Variants in SLC16A9 observed in about 807,000 individuals in gnomAD.
SLC16A9 encodes the protein monocarboxylate transporter 9.
A neutral mutation model predicts 44.3 loss-of-function variants in SLC16A9; 26 were observed. The ratio of observed to expected loss-of-function variants is 0.59; its 90% confidence interval spans 0.43 to 0.81. SLC16A9 has a LOEUF of 0.81. Among genes scored for constraint, SLC16A9 ranks in the 40% least tolerant of loss-of-function variants. The pLI, the probability that SLC16A9 is intolerant of heterozygous loss-of-function variation, is 0.00. For synonymous variants in SLC16A9, 230 were observed against 225.1 expected (o/e 1.02, Z -0.19); for missense variants, 559 against 595.8 (o/e 0.94, Z 0.64).
chr10:59,652,485 G>C lies in SLC16A9; in HGVS notation c.*287C>G, dbSNP rs955015849. Reference sequence around the variant, plus strand: ...TCTTTACACAGAGAAAGCCTTCTGAGGCTGGTCAAACTTTTTACAATGTTA... The same window carrying C: ...TCTTTACACAGAGAAAGCCTTCTGACGCTGGTCAAACTTTTTACAATGTTA... On this transcript the variant is annotated 3_prime_UTR_variant, in exon 6 of 6. Transcript: ENST00000395348. 1 of 235,886 alleles carries C rather than the reference G, an allele frequency of 4.2e-6. No individual in the cohort carries two copies. The highest frequency in any genetic ancestry group is 1.1e-4 in the South Asian group (1 of 8,724). 14.6% of individuals were successfully genotyped at this position (235,886 alleles called of 1,614,324 possible).
intron 1 of SLC16A9, among the ~76,000 whole-genome samples, chr10:59,697,092 T>C (rs1182991): frequency 4.3e-5 from 3 of 69,788 alleles, no homozygotes; most frequent in Non-Finnish European, 5.8e-5. Context: ...CCAGCCGCCC[T>C]GTCCGGGAGG....
intron 5 of SLC16A9, among the ~76,000 whole-genome samples, chr10:59,653,176 T>G (rs1839250664): frequency 6.6e-6 from 1 of 151,584 alleles, no homozygotes; most frequent in Non-Finnish European, 1.5e-5. Context: ...ACCCAGCACT[T>G]TGGGAGGCCG....
rs892657878 is a variant in SLC16A9 at position 59,653,867 on chromosome 10, A to C, written c.1159T>G (p.Cys387Gly). The part of the protein sequence containing the change: ...ATLIIMGLAL[C>G]AIPFAKSYVT... ...TAGCTTTTGGCAAATGGAATTGCAC[A>C]CAAGGCTAGGCCCATGATGATTAAG... is the stretch of plus-strand genomic sequence containing the variant. Residue 387 changes from cysteine (C) to glycine (G), a missense_variant, in exon 5 of 6, where the codon TGT becomes GGT. Cys to Gly is a radical substitution (Grantham distance 159). Coordinates refer to ENST00000395348, the MANE Select transcript of SLC16A9 (RefSeq NM_194298.3). The C allele has an allele frequency of 3.1e-6, 5 of 1,614,096 alleles. No homozygotes were observed. Among genetic ancestry groups the C allele is most frequent in the Admixed American group, 1.7e-5 (1 of 60,008 alleles).
At chr10:59,691,392 T>A (rs1421703136) in intron 1 of SLC16A9, among the ~76,000 whole-genome samples, 1 of 152,186 alleles carries the variant, frequency 6.6e-6, no homozygotes, top group East Asian at 1.9e-4. Flanking sequence ...GCAGTTTTTT[T>A]ATACTACAGG....
chr10:59,674,305 C>A (rs891735461), intron 2 of SLC16A9, among the ~76,000 whole-genome samples: 4 of 152,058 alleles, frequency 2.6e-5, no homozygotes, highest in Non-Finnish European at 4.4e-5. Context: ...TTCCCAATAC[C>A]AGAGAACTTC....
intron 1 of SLC16A9, among the ~76,000 whole-genome samples, chr10:59,689,392 T>A (rs74152116): frequency 6.6e-6 from 1 of 152,184 alleles, no homozygotes; most frequent in Non-Finnish European, 1.5e-5. Context: ...AGATCAGTCC[T>A]ATGGCTAGAG....
intron 1 of SLC16A9, among the ~76,000 whole-genome samples, chr10:59,687,402 A>T (rs1354436667): frequency 2.0e-5 from 3 of 152,226 alleles, no homozygotes; most frequent in Non-Finnish European, 4.4e-5. Flanking sequence ...GAGTGTTATT[A>T]TAAATAATTG....
At chr10:59,669,574 C>A (rs533373105) in intron 3 of SLC16A9, among the ~76,000 whole-genome samples, 1 of 152,158 alleles carries the variant, frequency 6.6e-6, no homozygotes. Context: ...CAGTGGCTCA[C>A]GCCTATAATC....
At chr10:59,697,962 T>TAAAAAA (rs34931109) in intron 1 of SLC16A9, among the ~76,000 whole-genome samples, 6 of 136,072 alleles carry the variant, frequency 4.4e-5, no homozygotes, top group African/African-American at 8.0e-5. Context: ...GGGCACACAG[T>TAAAAAA]AAAAAAAAAA....
At chr10:59,668,079 T>TA (rs1428248622) in intron 3 of SLC16A9, among the ~76,000 whole-genome samples, 13 of 152,074 alleles carry the variant, frequency 8.5e-5, no homozygotes, top group African/African-American at 2.9e-4. Flanking sequence ...TCATCTTTTT[T>TA]TTTTAATCTC....
chr10:59,663,630 G>A (rs1358291098), intron 4 of SLC16A9, among the ~76,000 whole-genome samples: 1 of 151,940 alleles, frequency 6.6e-6, no homozygotes, highest in African/African-American at 2.4e-5. Context: ...CTACGGGAGG[G>A]ATAGCATTAG....
At position 59,654,596 on chromosome 10, in the gene SLC16A9, A is replaced by G; in HGVS notation, c.437-7T>C. 1.3e-6 allele frequency: 2 copies of G among 1,563,588 alleles called. No homozygotes were observed. Among genetic ancestry groups the G allele is most frequent in the African/African-American group, 1.4e-5 (1 of 73,438 alleles). ...AAAAGGCCAACGCTTGAACCTAAAAAGGGAATGGGAACTGTTCAACCTCGT... is the reference window on the plus strand; with the variant it reads ...AAAAGGCCAACGCTTGAACCTAAAAGGGGAATGGGAACTGTTCAACCTCGT... On this transcript the variant is annotated splice_region_variant and splice_polypyrimidine_tract_variant and intron_variant, in intron 4 of 5. Coordinates refer to ENST00000395348, the MANE Select transcript of SLC16A9 (RefSeq NM_194298.3).
chr10:59,683,549 TGCTATGTCA>T (rs1194600556), intron 2 of SLC16A9, among the ~76,000 whole-genome samples: 1 of 152,230 alleles, frequency 6.6e-6, no homozygotes, highest in African/African-American at 2.4e-5. Context: ...TGAGACTCTT[TGCTATGTCA>T]GCTTTTTCTT....
At chr10:59,657,577 T>C (rs1839377434) in intron 4 of SLC16A9, among the ~76,000 whole-genome samples, 1 of 152,216 alleles carries the variant, frequency 6.6e-6, no homozygotes, top group African/African-American at 2.4e-5. Flanking sequence ...GCTTCATTTT[T>C]TATTTAGTGT....
chr10:59,660,670 T>G (rs998061490), intron 4 of SLC16A9, among the ~76,000 whole-genome samples: 1 of 152,220 alleles, frequency 6.6e-6, no homozygotes, highest in African/African-American at 2.4e-5. Context: ...AGCATCATCC[T>G]GATACCAAAA....
chr10:59,671,330 A>G (rs1173667783), intron 3 of SLC16A9, among the ~76,000 whole-genome samples: 1 of 152,198 alleles, frequency 6.6e-6, no homozygotes, highest in African/African-American at 2.4e-5. Flanking sequence ...ACATGATGAC[A>G]AGTTGGTATA....
intron 2 of SLC16A9, among the ~76,000 whole-genome samples, chr10:59,673,925 A>C (rs1002795505): frequency 1.3e-5 from 2 of 152,236 alleles, no homozygotes; most frequent in South Asian, 4.1e-4. Context: ...ACCCAACATA[A>C]AAAGTACAAC....
chr10:59,666,034 G>A (rs1008936378), intron 3 of SLC16A9, among the ~76,000 whole-genome samples: 1 of 152,122 alleles, frequency 6.6e-6, no homozygotes, highest in Non-Finnish European at 1.5e-5. Flanking sequence ...GGTGGCTCAT[G>A]CCTGTAATCC....
At chr10:59,664,491 T>C (rs79041991) in intron 3 of SLC16A9, among the ~76,000 whole-genome samples, 169 bp from the exon 4 acceptor site, 4,042 of 152,244 alleles carry the variant, frequency 0.027, 171 homozygotes, top group African/African-American at 0.09. Flanking sequence ...ATAGACACCA[T>C]TGGGCAGCCT....
Sources: allele counts gnomAD v4.1 joint callset (sites outside exome capture counted in the v4.1 genomes callset), GRCh38; gene constraint gnomAD v4.1.1; transcripts MANE v1.5; gene names NCBI Gene and HGNC (gene_info 2026-07-23, HGNC 2026-07-21).